The following CRLF2 variants were observed in gnomAD, a reference collection of about 807,000 sequenced individuals.
The protein encoded by CRLF2 is cytokine receptor-like factor 2.
Under a neutral mutation model 38.7 loss-of-function variants are expected in CRLF2, and 41 were observed. The ratio of observed to expected loss-of-function variants is 1.06; its 90% CI spans 0.83 to 1.37. CRLF2 has a LOEUF of 1.37. Ranked by LOEUF, CRLF2 falls within the 40% of genes most tolerant of loss-of-function variation. The pLI, the probability that CRLF2 is intolerant of heterozygous loss-of-function variation, is 0.00. For synonymous variants in CRLF2, 140 were observed against 128.8 expected (o/e 1.09, Z -0.59); for missense variants, 377 against 322.2 (o/e 1.17, Z -1.30).
rs371174830 is a variant in CRLF2 at position 1,198,736 on chromosome X, T to TAC, written c.484-14_484-13dup. The TAC allele has an allele frequency of 5.3e-3, 4,386 of 826,082 alleles. 29 individuals are homozygous for TAC. Among genetic ancestry groups the TAC allele is most frequent in the African/African-American group, 0.024 (1,235 of 52,330 alleles). The allele number at this position is 826,082 out of a possible 1,614,324, so 51.2% of individuals were successfully genotyped here. A position where few individuals can be genotyped will look rare whatever the true frequency, so the allele number is the denominator to read the frequency against. ...TTTTCCTGTTTGGACTGGAGAAACA[T>TAC]ACACACACACACACACACACACACA... On this transcript the variant is annotated splice_polypyrimidine_tract_variant and intron_variant, in intron 4 of 7. Transcript: ENST00000400841.
intron 1 of CRLF2, 139 bp downstream of exon 1, chrX:1,212,417 G>GGAA: frequency 3.8e-6 from 2 of 531,576 alleles, no homozygotes; most frequent in South Asian, 4.7e-5. Context: ...GCTTGAACCC[G>GGAA]GAAAAAAAAA....
At chrX:1,198,123 C>T (rs1365503568) in intron 5 of CRLF2, among the ~76,000 whole-genome samples, 2 of 151,636 alleles carry the variant, frequency 1.3e-5, no homozygotes, top group Non-Finnish European at 2.9e-5. Flanking sequence ...GACACACCCT[C>T]CTGGGAAGGC....
intron 5 of CRLF2, among the ~76,000 whole-genome samples, chrX:1,197,383 C>T (rs1348674745): frequency 1.6e-4 from 24 of 151,786 alleles, no homozygotes; most frequent in African/African-American, 5.8e-4. Context: ...AACAACACAT[C>T]CCACAGCCAC....
Position 1,212,589 on chromosome X carries a change from C to T in CRLF2, c.46G>A (p.Gly16Arg). The change falls in exon 1 of 8, where the codon GGA becomes AGA. Residue 16 changes from glycine to arginine, a missense_variant. Transcript: ENST00000400841. ...CCTTGCCCCAAAGCCATCCAGCCTC[C>T]CAGCAGAAAGACGGCAGCTCCCCAC... is the stretch of plus-strand genomic sequence containing the variant. ...LLWGAAVFLL[G>R]GWMALGQGGA... The T allele has an allele frequency of 4.3e-6, 7 of 1,612,764 alleles. No homozygotes were observed. Among genetic ancestry groups the T allele is most frequent in the Non-Finnish European group, 5.9e-6 (7 of 1,179,338 alleles).
Position 1,206,736 on chromosome X carries a change from G to T in CRLF2, c.183-137C>A, listed in dbSNP as rs1164897818. The T allele has an allele frequency of 1.7e-5, 13 of 748,644 alleles. No individual in the cohort carries two copies. In the Middle Eastern group the frequency reaches 1.1e-3, roughly 62 times the overall value. The allele number at this position is 748,644 out of a possible 1,614,324, so 46.4% of individuals were successfully genotyped here. ...CAGCTCACTGCAACCTCTGCCTCCCGGGTTCAAGCAATTCTCCTGTCTCAG... is the reference window on the plus strand; with the variant it reads ...CAGCTCACTGCAACCTCTGCCTCCCTGGTTCAAGCAATTCTCCTGTCTCAG... On this transcript the variant is annotated intron_variant, in intron 2 of 7. Coordinates refer to ENST00000400841, the MANE Select transcript of CRLF2 (RefSeq NM_022148.4).
chrX:1,209,975 G>A (rs1250242376), intron 1 of CRLF2, among the ~76,000 whole-genome samples: 1 of 151,546 alleles, frequency 6.6e-6, no homozygotes, highest in African/African-American at 2.4e-5. Flanking sequence ...ATGGTGGTGG[G>A]TACCTGTAAT....
At chrX:1,201,070 G>C (rs1309954028) in intron 4 of CRLF2, among the ~76,000 whole-genome samples, 1 of 152,082 alleles carries the variant, frequency 6.6e-6, no homozygotes, top group Non-Finnish European at 1.5e-5. Flanking sequence ...GCATGTTACT[G>C]TACTGAATAC....
At position 1,202,432 on chromosome X, in the gene CRLF2, C is replaced by G. The variant is rs1231503143; in HGVS notation, c.453G>C (p.Gln151His). 6.2e-7 allele frequency: 1 copy of G among 1,613,716 alleles called. No homozygotes were observed. The highest frequency in any genetic ancestry group is 8.5e-7 in the Non-Finnish European group (1 of 1,179,658). Residue 151 changes from glutamine (Q) to histidine (H), a missense_variant, in exon 4 of 8, where the codon CAG becomes CAC. Transcript: ENST00000400841. ...LSYGDLLYEV[Q>H]YRSPFDTEWQ... is the part of the protein sequence containing the mutation. The stretch of plus-strand genomic sequence containing the variant: ...ACTCGGTGTCGAAGGGGCTCCGGTA[C>G]TGAACCTCATAGAGGAGATCCCCGT...
chrX:1,191,966 G>A (rs2086388426), intron 7 of CRLF2, among the ~76,000 whole-genome samples: 1 of 150,332 alleles, frequency 6.7e-6, no homozygotes, highest in Non-Finnish European at 1.5e-5. Context: ...AGCACTTTGG[G>A]AGGCCAAGGT....
chrX:1,210,358 C>T (rs1445649324), intron 1 of CRLF2, among the ~76,000 whole-genome samples: 4 of 152,022 alleles, frequency 2.6e-5, no homozygotes, highest in African/African-American at 4.8e-5. Context: ...CTGTCGCCCA[C>T]GCTGGAGTGC....
chrX:1,202,355 G>A (rs1376800688), intron 4 of CRLF2, 47 bp downstream of exon 4: 1 of 1,610,036 alleles, frequency 6.2e-7, no homozygotes, highest in Admixed American at 1.7e-5. Flanking sequence ...CCCGCACCTG[G>A]GGGACGCTCA....
chrX:1,192,167 T>C lies in CRLF2; in HGVS notation c.853-1007A>G, dbSNP rs1208803920. ...TTGCAGTGAGCCGAGATCCCGCCAC[T>C]GCACTCCAGCCTGGGCGACAGAGCG... On this transcript the variant is annotated intron_variant, in intron 7 of 7. Coordinates refer to ENST00000400841, the MANE Select transcript of CRLF2 (RefSeq NM_022148.4). Among the ~76,000 whole-genome samples the C allele has an allele frequency of 4.2e-3, 548 of 130,804 alleles. 3 individuals are homozygous for C. Among genetic ancestry groups the C allele is most frequent in the African/African-American group, 0.015 (496 of 33,840 alleles). The allele number at this position is 130,804 out of a possible 152,430, so 85.8% of individuals were successfully genotyped here. A position where few individuals can be genotyped will look rare whatever the true frequency, so the allele number is the denominator to read the frequency against.
chrX:1,193,549 G>A (rs1162002404), intron 6 of CRLF2, among the ~76,000 whole-genome samples: 5 of 150,888 alleles, frequency 3.3e-5, no homozygotes, highest in Admixed American at 6.6e-5. Flanking sequence ...AGGCTGAGGC[G>A]GATGGATCAC....
chrX:1,199,677 C>T (rs1402928258), intron 4 of CRLF2, among the ~76,000 whole-genome samples: 1 of 151,898 alleles, frequency 6.6e-6, no homozygotes, highest in Non-Finnish European at 1.5e-5. Context: ...TCAGTTTATA[C>T]ATATATAGTT....
intron 5 of CRLF2, among the ~76,000 whole-genome samples, chrX:1,197,675 T>A (rs1338409435): frequency 6.6e-6 from 1 of 151,658 alleles, no homozygotes; most frequent in East Asian, 1.9e-4. Context: ...TTAGGCGGGC[T>A]TGGTGGTGCG....
At chrX:1,212,346 C>A (rs1325955146) in intron 1 of CRLF2, among the ~76,000 whole-genome samples, 2 of 140,600 alleles carry the variant, frequency 1.4e-5, no homozygotes, top group Non-Finnish European at 3.0e-5. Flanking sequence ...ACTTAATATT[C>A]ATGTATTTAC....
In CRLF2 at chrX:1,196,828, A is replaced by G; in HGVS notation, c.719T>C (p.Ile240Thr). The change falls in exon 6 of 8, where the codon ATC (isoleucine) becomes ACC (threonine). Residue 240 changes from isoleucine to threonine, a missense_variant. Coordinates refer to ENST00000400841, the MANE Select transcript of CRLF2 (RefSeq NM_022148.4). ...AAGGAGGAGAGACACCATCAGAAGG[A>G]TGGCCAGGCTGGAAATTAAAATAAA... is the stretch of plus-strand genomic sequence containing the variant. ...SKFILISSLA[I>T]LLMVSLLLLS... The G allele has an allele frequency of 6.2e-7, 1 of 1,612,876 alleles. No individual in the cohort carries two copies. The highest frequency in any genetic ancestry group is 8.5e-7 in the Non-Finnish European group (1 of 1,179,422).
At chrX:1,212,531 A>T (rs774400452) in intron 1 of CRLF2, 25 bp downstream of exon 1, 5 of 1,583,070 alleles carry the variant, frequency 3.2e-6, no homozygotes, top group Middle Eastern at 1.7e-4. Context: ...AAAATACAAC[A>T]AGAAGAGGGT....
chrX:1,201,340 C>CTG (rs781871855), intron 4 of CRLF2, among the ~76,000 whole-genome samples: 44,121 of 149,900 alleles, frequency 0.29, 7,733 homozygotes, highest in East Asian at 0.54. Flanking sequence ...GTTTGTGTGT[C>CTG]TGTGTGTGTG....
Sources: allele counts gnomAD v4.1 joint callset (sites outside exome capture counted in the v4.1 genomes callset), GRCh38; gene constraint gnomAD v4.1.1; transcripts MANE v1.5; gene names NCBI Gene and HGNC (gene_info 2026-07-23, HGNC 2026-07-21).